SH3D19: variants seen among roughly 807,000 people sequenced by gnomAD.
The protein encoded by SH3D19 is SH3 domain containing 19.
Under a neutral mutation model 112.1 loss-of-function variants are expected in SH3D19, and 58 were observed. The ratio of observed to expected loss-of-function variants is 0.52; its 90% CI spans 0.42 to 0.64. SH3D19 has a LOEUF of 0.64. Among genes scored for constraint, SH3D19 ranks in the 30% least tolerant of loss-of-function variants. The pLI, the probability that SH3D19 is intolerant of heterozygous loss-of-function variation, is 0.00. For missense variants in SH3D19, 1,090 were observed against 1,263.4 expected, an observed-to-expected ratio of 0.86 and a Z score of 2.08; for synonymous variants, 391 against 448.5, an observed-to-expected ratio of 0.87 and a Z score of 1.62.
At chr4:151,122,261 A>T in intron 19 of SH3D19, 54 bp from the exon 20 acceptor site, 1 of 926,442 alleles carries the variant, frequency 1.1e-6, no homozygotes, top group Non-Finnish European at 1.8e-6. Context: ...TAAGCATGGT[A>T]AATAGTGGCC....
chr4:151,204,264 G>A (rs780690982), intron 2 of SH3D19, among the ~76,000 whole-genome samples: 5 of 152,146 alleles, frequency 3.3e-5, no homozygotes, highest in Admixed American at 1.3e-4. Context: ...TCCAAATCGA[G>A]GAGTGAGGAC....
chr4:151,288,021 C>T (rs1167325658), intron 1 of SH3D19, among the ~76,000 whole-genome samples: 1 of 150,978 alleles, frequency 6.6e-6, no homozygotes, highest in Non-Finnish European at 1.5e-5. Flanking sequence ...AGAGCAAAAA[C>T]CATATGATCA....
chr4:151,221,840 G>A (rs568144662), intron 2 of SH3D19, among the ~76,000 whole-genome samples: 2 of 152,242 alleles, frequency 1.3e-5, no homozygotes, highest in East Asian at 3.9e-4. Context: ...TAAAGACTGG[G>A]AACTTCACTT....
chr4:151,260,133 T>G (rs1483359577), intron 1 of SH3D19, among the ~76,000 whole-genome samples: 1 of 152,266 alleles, frequency 6.6e-6, no homozygotes, highest in Non-Finnish European at 1.5e-5. Context: ...TTCTGTTATA[T>G]GCCTAGACTG....
In SH3D19 at chr4:151,276,202, A is replaced by G. The variant is rs542253918; in HGVS notation, c.112+49039T>C. Among the ~76,000 whole-genome samples, 6 of 152,308 alleles carry G rather than the reference A, an allele frequency of 3.9e-5. No individual in the cohort carries two copies. The East Asian group carries it at 1.2e-3, about 29-fold the overall frequency. On this transcript the variant is annotated intron_variant, in intron 1 of 19. Coordinates refer to ENST00000604030, the MANE Select transcript of SH3D19 (RefSeq NM_001378122.1). Reference sequence around the variant, plus strand: ...GCATCCCAATATTTTAAGTTGCAAGAGAGCAGTAACATTTTAATAGTTCAT... The same window carrying G: ...GCATCCCAATATTTTAAGTTGCAAGGGAGCAGTAACATTTTAATAGTTCAT...
intron 1 of SH3D19, chr4:151,226,629 C>G (rs1256521264): frequency 7.8e-6 from 2 of 257,740 alleles, no homozygotes; most frequent in African/African-American, 4.6e-5. Context: ...ATATAATGTG[C>G]TCTCTATATA....
intron 1 of SH3D19, among the ~76,000 whole-genome samples, chr4:151,248,525 A>T (rs1771118233): frequency 6.6e-6 from 1 of 152,214 alleles, no homozygotes; most frequent in South Asian, 2.1e-4. Context: ...TATAAGATTA[A>T]ACTTAATTTA....
At chr4:151,305,383 T>C (rs1264247192) in intron 1 of SH3D19, among the ~76,000 whole-genome samples, 1 of 152,246 alleles carries the variant, frequency 6.6e-6, no homozygotes. Flanking sequence ...AAATCTTTTG[T>C]TGGATATATG....
intron 1 of SH3D19, among the ~76,000 whole-genome samples, chr4:151,270,958 C>G (rs1000974358): frequency 6.6e-6 from 1 of 152,258 alleles, no homozygotes; most frequent in Admixed American, 6.5e-5. Context: ...GGTCTCAACT[C>G]TGTCACCCAG....
intron 3 of SH3D19, 74 bp from the exon 4 acceptor site, chr4:151,179,471 C>T (rs953579630): frequency 1.4e-4 from 114 of 823,130 alleles, no homozygotes; most frequent in Non-Finnish European, 1.8e-4. Flanking sequence ...TTACAAAGTA[C>T]ACAATTGGAA....
At chr4:151,211,340 G>C (rs1201403055) in intron 2 of SH3D19, among the ~76,000 whole-genome samples, 2 of 151,866 alleles carry the variant, frequency 1.3e-5, no homozygotes, top group Non-Finnish European at 2.9e-5. Context: ...TCCACTGGCA[G>C]TTCCCCCATC....
At chr4:151,280,421 C>T (rs1192006836) in intron 1 of SH3D19, among the ~76,000 whole-genome samples, 2 of 151,510 alleles carry the variant, frequency 1.3e-5, no homozygotes, top group African/African-American at 4.9e-5. Flanking sequence ...ACCTTGATTG[C>T]AGCTGCAGCT....
intron 1 of SH3D19, chr4:151,262,253 T>A (rs1772432841): frequency 6.6e-6 from 1 of 152,196 alleles, no homozygotes; most frequent in Non-Finnish European, 1.5e-5. Context: ...AGGCACAAAA[T>A]CTGTATCCAT....
intron 9 of SH3D19, among the ~76,000 whole-genome samples, chr4:151,150,206 AATATAT>A (rs1554037659): frequency 1.7e-3 from 77 of 46,152 alleles, no homozygotes; most frequent in African/African-American, 5.2e-3. Flanking sequence ...AAAAAAAAAA[AATATAT>A]ATATATATAT....
At chr4:151,286,230 G>C (rs1386186295) in intron 1 of SH3D19, among the ~76,000 whole-genome samples, 2 of 93,916 alleles carry the variant, frequency 2.1e-5, no homozygotes, top group Non-Finnish European at 4.7e-5. Flanking sequence ...AAAATACAAA[G>C]AAGGAAATAA....
At chr4:151,168,394 C>A (rs1002111437) in intron 7 of SH3D19, among the ~76,000 whole-genome samples, 3 of 49,946 alleles carry the variant, frequency 6.0e-5, no homozygotes, top group Non-Finnish European at 1.4e-4. Flanking sequence ...TTTCGAGTAG[C>A]ATTTCTTTTT....
chr4:151,263,154 A>G (rs1231845322), intron 1 of SH3D19, among the ~76,000 whole-genome samples: 1 of 138,592 alleles, frequency 7.2e-6, no homozygotes, highest in African/African-American at 2.8e-5. Flanking sequence ...CCCAGAGTGA[A>G]TAAAATTTGG....
At chr4:151,169,352 G>A (rs1758653246) in intron 7 of SH3D19, among the ~76,000 whole-genome samples, 2 of 152,108 alleles carry the variant, frequency 1.3e-5, no homozygotes, top group African/African-American at 4.8e-5. Flanking sequence ...CACCACCGCA[G>A]GCTGTTTGGC....
intron 9 of SH3D19, 107 bp from the exon 10 acceptor site, chr4:151,149,668 T>C (rs903045423): frequency 1.1e-6 from 1 of 923,176 alleles, no homozygotes; most frequent in South Asian, 1.5e-5. Context: ...AGAAATGCAG[T>C]TGAATTATAG....
Sources: allele counts gnomAD v4.1 joint callset (sites outside exome capture counted in the v4.1 genomes callset), GRCh38; gene constraint gnomAD v4.1.1; transcripts MANE v1.5; gene names NCBI Gene and HGNC (gene_info 2026-07-23, HGNC 2026-07-21).